Variants in GFRA1 observed in about 807,000 individuals in gnomAD.
GFRA1 encodes the protein GDNF family receptor alpha 1.
GFRA1 carries 16 observed loss-of-function variants against 51.6 expected under a neutral mutation model. The observed-to-expected ratio is 0.31, with a 90% CI of 0.21 to 0.47. The LOEUF (loss-of-function observed/expected upper bound fraction) is 0.47, where lower values mean the gene tolerates loss of function less well. Among genes scored for constraint, GFRA1 ranks in the 20% least tolerant of loss-of-function variants. GFRA1 has a pLI of 1.00. For synonymous variants in GFRA1, 270 were observed against 241.3 expected (o/e 1.12, Z -1.10); for missense variants, 530 against 594.3 (o/e 0.89, Z 1.13).
intron 10 of GFRA1, among the ~76,000 whole-genome samples, chr10:116,064,863 G>A (rs949997279): frequency 5.9e-5 from 9 of 152,002 alleles, no homozygotes; most frequent in African/African-American, 2.2e-4. Flanking sequence ...CTCTCTCCAG[G>A]GTTCCACGTT....
intron 5 of GFRA1, among the ~76,000 whole-genome samples, chr10:116,207,965 T>A (rs1964912220): frequency 6.6e-6 from 1 of 152,056 alleles, no homozygotes; most frequent in African/African-American, 2.4e-5. Context: ...GTTCTGTGTG[T>A]TTTTGCAGCA....
intron 9 of GFRA1, among the ~76,000 whole-genome samples, chr10:116,070,524 G>T (rs573276835): frequency 6.6e-6 from 1 of 152,264 alleles, no homozygotes; most frequent in South Asian, 2.1e-4. Flanking sequence ...GTACCTAATT[G>T]AGGTTAACTG....
chr10:116,135,624 A>T (rs1298364845), intron 5 of GFRA1, among the ~76,000 whole-genome samples: 1 of 150,344 alleles, frequency 6.7e-6, no homozygotes, highest in African/African-American at 2.5e-5. Flanking sequence ...GCACAATTAT[A>T]ATATTAGACA....
At position 116,060,815 on chromosome 10, in the gene GFRA1, C is replaced by CTAAG. The variant is rs998301649; in HGVS notation, c.*3582_*3583insCTTA. ...ATTGATTCAAGTACATCGTGCATGT[C>CTAAG]TAACTAACTGCATGAATGAAAACTT... On this transcript the variant is annotated 3_prime_UTR_variant, in exon 11 of 11. Coordinates refer to ENST00000355422, the MANE Select transcript of GFRA1 (RefSeq NM_005264.8). 9 of 59,148 alleles carry CTAAG rather than the reference C, an allele frequency of 1.5e-4. No homozygotes were observed. Among genetic ancestry groups the CTAAG allele is most frequent in the African/African-American group, 1.2e-3 (8 of 6,420 alleles). The allele number at this position is 59,148 out of a possible 1,614,324, so 3.7% of individuals were successfully genotyped here.
At position 116,064,417 on chromosome 10, in the gene GFRA1, G is replaced by C. The variant is rs141076872; in HGVS notation, c.1379C>G (p.Ser460Cys). Residue 460 changes from serine to cysteine, a missense_variant, in exon 11 of 11, where the codon TCT becomes TGT. Transcript: ENST00000355422. ...LVVTALSTLLSLTETS is the reference protein window; with the variant it reads ...LVVTALSTLLCLTETS ...ATGCAGCTATGATGTTTCTGTTAAA[G>C]ATAATAGGGTGGACAGAGCGGTTAC... The C allele has an allele frequency of 6.2e-7, 1 of 1,612,552 alleles. No homozygotes were observed. Among genetic ancestry groups the C allele is most frequent in the South Asian group, 1.1e-5 (1 of 90,974 alleles).
chr10:116,249,936 C>T (rs1044309400), intron 4 of GFRA1, among the ~76,000 whole-genome samples: 2 of 151,966 alleles, frequency 1.3e-5, no homozygotes, highest in South Asian at 2.1e-4. Context: ...AAAGAATGAA[C>T]GAGGAGGGAG....
At chr10:116,184,323 G>A (rs1179992783) in intron 5 of GFRA1, among the ~76,000 whole-genome samples, 1 of 152,242 alleles carries the variant, frequency 6.6e-6, no homozygotes, top group Non-Finnish European at 1.5e-5. Flanking sequence ...TTATCTCCTG[G>A]CCAGCTGCCA....
At chr10:116,068,474 G>A (rs544139471) in intron 9 of GFRA1, among the ~76,000 whole-genome samples, 215 of 152,280 alleles carry the variant, frequency 1.4e-3, no homozygotes, top group African/African-American at 4.9e-3. Context: ...GACTGGATGG[G>A]GTCAACAACA....
chr10:116,227,053 A>C (rs1260588482), intron 4 of GFRA1, among the ~76,000 whole-genome samples: 1 of 152,128 alleles, frequency 6.6e-6, no homozygotes, highest in Non-Finnish European at 1.5e-5. Flanking sequence ...CCTACTGTCC[A>C]GGGTTGGGAA....
intron 5 of GFRA1, among the ~76,000 whole-genome samples, chr10:116,126,105 C>T (rs952918): frequency 0.12 from 18,714 of 152,248 alleles, 1,407 homozygotes; most frequent in East Asian, 0.21. Flanking sequence ...GCCACCACAA[C>T]GAAGCTGTAT....
At chr10:116,167,513 G>A (rs1354019879) in intron 5 of GFRA1, among the ~76,000 whole-genome samples, 1 of 152,072 alleles carries the variant, frequency 6.6e-6, no homozygotes, top group African/African-American at 2.4e-5. Context: ...CCCAATGCCT[G>A]GCATGTAATG....
chr10:116,063,762 G>A lies in GFRA1; in HGVS notation c.*636C>T, dbSNP rs1251901337. Reference sequence around the variant, plus strand: ...CAGATACTATATTTGGATGTGACAGGTGTTTTTTCTTTTGTACAAGAGTGC... The same window carrying A: ...CAGATACTATATTTGGATGTGACAGATGTTTTTTCTTTTGTACAAGAGTGC... On this transcript the variant is annotated 3_prime_UTR_variant, in exon 11 of 11. Coordinates refer to ENST00000355422, the MANE Select transcript of GFRA1 (RefSeq NM_005264.8). The A allele has an allele frequency of 6.6e-6, 1 of 152,288 alleles. No individual in the cohort carries two copies. The highest frequency in any genetic ancestry group is 2.4e-5 in the African/African-American group (1 of 41,390). 9.4% of individuals were successfully genotyped at this position (152,288 alleles called of 1,614,324 possible). A position where few individuals can be genotyped will look rare whatever the true frequency, so the allele number is the denominator to read the frequency against.
At chr10:116,180,112 C>T (rs559804219) in intron 5 of GFRA1, among the ~76,000 whole-genome samples, 33 of 152,204 alleles carry the variant, frequency 2.2e-4, no homozygotes, top group African/African-American at 7.2e-4. Context: ...TCTTTCTGAA[C>T]AAATATATAA....
intron 4 of GFRA1, among the ~76,000 whole-genome samples, chr10:116,225,343 T>C (rs1283125925): frequency 6.6e-6 from 1 of 151,874 alleles, no homozygotes; most frequent in Admixed American, 6.5e-5. Context: ...GAGACCATCC[T>C]GGCCAACAAG....
chr10:116,198,241 G>T (rs568765411), intron 5 of GFRA1, among the ~76,000 whole-genome samples: 1 of 152,202 alleles, frequency 6.6e-6, no homozygotes, highest in African/African-American at 2.4e-5. Context: ...ACTTTCAACT[G>T]CTGGAGGTCC....
intron 6 of GFRA1, among the ~76,000 whole-genome samples, chr10:116,118,543 C>T (rs557973920): frequency 1.6e-4 from 25 of 152,174 alleles, no homozygotes; most frequent in African/African-American, 6.0e-4. Flanking sequence ...GCTCCTTGTC[C>T]ACCAAGGCCT....
chr10:116,175,230 C>T (rs1019063367), intron 5 of GFRA1, among the ~76,000 whole-genome samples: 1 of 152,148 alleles, frequency 6.6e-6, no homozygotes, highest in Non-Finnish European at 1.5e-5. Context: ...CAGCTTTCCT[C>T]CAGGTTAATA....
At position 116,225,534 on chromosome 10, in the gene GFRA1, C is replaced by CAAA. The variant is rs756377767; in HGVS notation, c.419-13892_419-13890dup. On this transcript the variant is annotated intron_variant, in intron 4 of 10. Coordinates refer to ENST00000355422, the MANE Select transcript of GFRA1 (RefSeq NM_005264.8). ...TGGCGACAGAGCAAGAGTCTGTCTC[C>CAAA]AAAAAAAAAAAAAAAAAAAAAAAAA... 8.1e-4 allele frequency among the ~76,000 whole-genome samples: 52 copies of CAAA among 63,962 alleles called. 2 individuals carry two copies. The highest frequency in any genetic ancestry group is 3.4e-3 in the African/African-American group (50 of 14,664). The allele number at this position is 63,962 out of a possible 152,430, so 42.0% of individuals were successfully genotyped here. A position where few individuals can be genotyped will look rare whatever the true frequency, so the allele number is the denominator to read the frequency against.
intron 4 of GFRA1, among the ~76,000 whole-genome samples, chr10:116,269,002 T>C (rs1969881670): frequency 6.6e-6 from 1 of 152,218 alleles, no homozygotes; most frequent in African/African-American, 2.4e-5. Flanking sequence ...AAAGAATTGT[T>C]AACAAATGGC....
Sources: allele counts gnomAD v4.1 joint callset (sites outside exome capture counted in the v4.1 genomes callset), GRCh38; gene constraint gnomAD v4.1.1; transcripts MANE v1.5; gene names NCBI Gene and HGNC (gene_info 2026-07-23, HGNC 2026-07-21).